STAU2: variants seen among roughly 807,000 people sequenced by gnomAD.
The protein encoded by STAU2 is double-stranded RNA-binding protein Staufen homolog 2.
STAU2 carries 20 observed loss-of-function variants against 65.9 expected under a neutral mutation model. The ratio of observed to expected loss-of-function variants is 0.30; its 90% CI spans 0.21 to 0.44. The LOEUF (loss-of-function observed/expected upper bound fraction) is 0.44. Ranked by LOEUF, STAU2 falls within the 20% of genes least tolerant of loss-of-function variation. The pLI, the probability that STAU2 is intolerant of heterozygous loss-of-function variation, is 1.00. For missense variants in STAU2, 558 were observed against 683.9 expected, an observed-to-expected ratio of 0.82 and a Z score of 2.05; for synonymous variants, 232 against 233.9, an observed-to-expected ratio of 0.99 and a Z score of 0.07.
intron 13 of STAU2, among the ~76,000 whole-genome samples, chr8:73,465,690 C>T (rs1819615926): frequency 6.6e-6 from 1 of 152,208 alleles, no homozygotes; most frequent in East Asian, 1.9e-4. Context: ...ATCCTTTTAA[C>T]TGTGTGTGCT....
chr8:73,685,544 A>G (rs1818744064), intron 5 of STAU2, among the ~76,000 whole-genome samples: 1 of 151,726 alleles, frequency 6.6e-6, no homozygotes, highest in Non-Finnish European at 1.5e-5. Context: ...CCGGCTAATT[A>G]TTTTTGTATT....
chr8:73,595,120 T>C, intron 11 of STAU2, 46 bp downstream of exon 11: 3 of 1,478,018 alleles, frequency 2.0e-6, no homozygotes, highest in Non-Finnish European at 2.7e-6. Context: ...TTAATCACTT[T>C]GATATTATGA....
In STAU2 at chr8:73,535,098, G is replaced by A. The variant is rs112444806; in HGVS notation, c.1530+16914C>T. On this transcript the variant is annotated intron_variant, in intron 13 of 14. Transcript: ENST00000524300. ...CAAATGAAACAGATGTGTTGTCAGCGTTGTTTAGGGGGATAATAACATTCT... is the reference window on the plus strand; with the variant it reads ...CAAATGAAACAGATGTGTTGTCAGCATTGTTTAGGGGGATAATAACATTCT... Among the ~76,000 whole-genome samples the A allele has an allele frequency of 5.1e-4, 78 of 152,254 alleles. 1 individual carries two copies. The highest frequency in any genetic ancestry group is 6.8e-3 in the Middle Eastern group (2 of 294).
chr8:73,619,480 T>C (rs575011850), intron 6 of STAU2, among the ~76,000 whole-genome samples: 5 of 152,342 alleles, frequency 3.3e-5, no homozygotes, highest in Non-Finnish European at 2.9e-5. Context: ...TTACTGCACA[T>C]CCAAGTAGTG....
At chr8:73,436,578 T>TTATTTATTTATTTATA (rs1339504712) in intron 13 of STAU2, among the ~76,000 whole-genome samples, 4 of 148,856 alleles carry the variant, frequency 2.7e-5, no homozygotes, top group African/African-American at 1.0e-4. Flanking sequence ...TTTTATTTAT[T>TTATTTATTTATTTATA]TATTTATTTA....
At chr8:73,687,312 T>TTTATATTTATAAATATAAA (rs1563506646) in intron 5 of STAU2, among the ~76,000 whole-genome samples, 27 of 104,194 alleles carry the variant, frequency 2.6e-4, no homozygotes, top group African/African-American at 9.6e-4. Context: ...ATAAATATAA[T>TTTATATTTATAAATATAAA]TTATATTTAT....
intron 13 of STAU2, among the ~76,000 whole-genome samples, chr8:73,490,116 T>C (rs1482339704): frequency 6.6e-6 from 1 of 152,068 alleles, no homozygotes; most frequent in Non-Finnish European, 1.5e-5. Flanking sequence ...CTTGAGTGAC[T>C]GATTATATTG....
chr8:73,680,425 G>A (rs1029093460), intron 5 of STAU2, among the ~76,000 whole-genome samples: 2 of 152,110 alleles, frequency 1.3e-5, no homozygotes, highest in East Asian at 3.9e-4. Flanking sequence ...AACGGGGAGA[G>A]AACCACATCA....
At chr8:73,548,321 G>T (rs948874921) in intron 13 of STAU2, among the ~76,000 whole-genome samples, 2 of 151,342 alleles carry the variant, frequency 1.3e-5, no homozygotes, top group African/African-American at 4.9e-5. Context: ...AAAACATGAG[G>T]TATAGGAGAG....
At chr8:73,731,855 C>T (rs1234838762) in intron 3 of STAU2, among the ~76,000 whole-genome samples, 1 of 152,146 alleles carries the variant, frequency 6.6e-6, no homozygotes, top group African/African-American at 2.4e-5. Flanking sequence ...AGGAGAATCA[C>T]CTGAACCTGG....
At chr8:73,654,832 G>A (rs1029806987) in intron 6 of STAU2, among the ~76,000 whole-genome samples, 12 of 151,148 alleles carry the variant, frequency 7.9e-5, no homozygotes, top group Admixed American at 1.3e-4. Context: ...GACTACAGGC[G>A]CGCGCCACCA....
At chr8:73,427,519 C>G (rs1364777969) in intron 13 of STAU2, among the ~76,000 whole-genome samples, 1 of 152,240 alleles carries the variant, frequency 6.6e-6, no homozygotes. Flanking sequence ...ACCCTCCCTG[C>G]AAGAAAGGAA....
chr8:73,739,565 A>G (rs1224640128), intron 2 of STAU2, among the ~76,000 whole-genome samples, 191 bp downstream of exon 2: 1 of 152,226 alleles, frequency 6.6e-6, no homozygotes, highest in African/African-American at 2.4e-5. Context: ...TCAAGATGAC[A>G]AACTAGAGTC....
chr8:73,746,411 G>A (rs1807283143), intron 1 of STAU2, among the ~76,000 whole-genome samples: 3 of 150,200 alleles, frequency 2.0e-5, no homozygotes, highest in Admixed American at 6.6e-5. Context: ...TAGAACCCCA[G>A]CCTCCCGCGC....
At chr8:73,488,310 G>A (rs1219384806) in intron 13 of STAU2, among the ~76,000 whole-genome samples, 2 of 151,930 alleles carry the variant, frequency 1.3e-5, no homozygotes, top group African/African-American at 4.8e-5. Context: ...AGTTGTGAAT[G>A]TTCAAATATA....
At chr8:73,639,487 AC>A (rs1326022815) in intron 6 of STAU2, among the ~76,000 whole-genome samples, 1 of 152,054 alleles carries the variant, frequency 6.6e-6, no homozygotes, top group Non-Finnish European at 1.5e-5. Context: ...AGTCTAGCTA[AC>A]CCTTCCTAAG....
intron 6 of STAU2, among the ~76,000 whole-genome samples, chr8:73,661,996 A>G (rs902389633): frequency 1.3e-5 from 2 of 152,212 alleles, no homozygotes; most frequent in Non-Finnish European, 2.9e-5. Flanking sequence ...GCTTAACTTC[A>G]TAAGAACATC....
chr8:73,650,387 T>A (rs764135604), intron 6 of STAU2, among the ~76,000 whole-genome samples: 1 of 152,208 alleles, frequency 6.6e-6, no homozygotes, highest in Non-Finnish European at 1.5e-5. Flanking sequence ...TGTTATCGTA[T>A]CATAAATTTT....
chr8:73,632,783 T>A (rs914915930), intron 6 of STAU2, among the ~76,000 whole-genome samples: 3 of 152,198 alleles, frequency 2.0e-5, no homozygotes, highest in Non-Finnish European at 4.4e-5. Context: ...GCTAAACTTA[T>A]AATCTTAGTT....
Sources: gnomAD v4.1 joint callset for allele counts (sites outside exome capture counted in the v4.1 genomes callset) on GRCh38, gnomAD v4.1.1 for gene constraint, MANE v1.5 for transcripts, NCBI Gene and HGNC (gene_info 2026-07-23, HGNC 2026-07-21) for gene names.